PHF24: variants seen among roughly 807,000 people sequenced by gnomAD.
PHF24 encodes Galpha inhibitory interacting protein.
PHF24 carries 25 observed loss-of-function variants against 42.6 expected under a neutral mutation model. That is an observed-to-expected ratio of 0.59 (90% CI 0.43 to 0.82). The LOEUF (loss-of-function observed/expected upper bound fraction) is 0.82, where lower values mean the gene tolerates loss of function less well. PHF24 is among the 40% of genes least tolerant of loss of function. The probability of loss-of-function intolerance (pLI) is 0.00; values close to 1 mark genes in which losing one functional copy is unlikely to be tolerated. For missense variants in PHF24, 470 were observed against 538.1 expected, an observed-to-expected ratio of 0.87 and a Z score of 1.25; for synonymous variants, 185 against 204.8, an observed-to-expected ratio of 0.90 and a Z score of 0.83.
At chr9:34,800,612 C>T in the PHF24 span, among the ~76,000 whole-genome samples, 1 of 152,116 alleles carries the variant, frequency 6.6e-6, no homozygotes, top group Non-Finnish European at 1.5e-5. Flanking sequence ...ACTGGCTAGC[C>T]ATATGCAGAA....
At chr9:34,786,071 C>T in the PHF24 span, among the ~76,000 whole-genome samples, 45,816 of 151,980 alleles carry the variant, frequency 0.3, 7,373 homozygotes, top group East Asian at 0.56. Context: ...TAGCACAGGG[C>T]CTGTTATCCA....
the PHF24 span, among the ~76,000 whole-genome samples, chr9:34,730,821 C>A: frequency 2.0e-5 from 3 of 152,174 alleles, no homozygotes; most frequent in Admixed American, 2.0e-4. Flanking sequence ...AAAAACTTAC[C>A]AGCTCATGCT....
the PHF24 span, among the ~76,000 whole-genome samples, chr9:34,786,709 C>A: frequency 2.6e-5 from 4 of 152,130 alleles, no homozygotes; most frequent in Admixed American, 2.6e-4. Context: ...GGGCTTGACG[C>A]AAGCCTGAGG....
At chr9:34,840,900 T>C in the PHF24 span, among the ~76,000 whole-genome samples, 1 of 152,192 alleles carries the variant, frequency 6.6e-6, no homozygotes, top group Non-Finnish European at 1.5e-5. Context: ...TAGGAAAAAT[T>C]CCTTCTAGTG....
chr9:34,840,191 T>C, the PHF24 span, among the ~76,000 whole-genome samples: 14 of 152,274 alleles, frequency 9.2e-5, no homozygotes, highest in South Asian at 2.9e-3. Context: ...AGCATACATA[T>C]AAATGGTATA....
the PHF24 span, among the ~76,000 whole-genome samples, chr9:34,932,714 G>C: frequency 1.3e-5 from 2 of 151,396 alleles, no homozygotes; most frequent in African/African-American, 4.8e-5. Flanking sequence ...CAATTAATAA[G>C]TATATTCTTA....
At chr9:34,788,618 A>T in the PHF24 span, among the ~76,000 whole-genome samples, 1 of 152,194 alleles carries the variant, frequency 6.6e-6, no homozygotes, top group African/African-American at 2.4e-5. Flanking sequence ...AGAAGCCAAC[A>T]TCCAAGCACC....
At chr9:34,715,528 C>A in the PHF24 span, among the ~76,000 whole-genome samples, 1 of 152,098 alleles carries the variant, frequency 6.6e-6, no homozygotes, top group Admixed American at 6.6e-5. Flanking sequence ...CAGATGGCTG[C>A]ACATCCGAGA....
At chr9:34,839,628 A>G in the PHF24 span, among the ~76,000 whole-genome samples, 1 of 152,238 alleles carries the variant, frequency 6.6e-6, no homozygotes, top group African/African-American at 2.4e-5. Flanking sequence ...ACATTCATCC[A>G]GCATCCCATC....
chr9:34,868,543 T>C, the PHF24 span, among the ~76,000 whole-genome samples: 1 of 152,226 alleles, frequency 6.6e-6, no homozygotes, highest in South Asian at 2.1e-4. Context: ...GTCATTCTTT[T>C]GAGTCTTCCA....
the PHF24 span, among the ~76,000 whole-genome samples, chr9:34,715,862 C>T: frequency 2.0e-4 from 30 of 152,292 alleles, 1 homozygote; most frequent in South Asian, 6.0e-3. Flanking sequence ...TCTGGAAATC[C>T]CCTAATTGGA....
At chr9:34,931,375 C>CAA in the PHF24 span, among the ~76,000 whole-genome samples, 596 of 82,910 alleles carry the variant, frequency 7.2e-3, 15 homozygotes, top group African/African-American at 0.025. Flanking sequence ...GACTCTGTAT[C>CAA]AAAAAAAAAA....
the PHF24 span, among the ~76,000 whole-genome samples, chr9:34,679,583 C>T: frequency 1.2e-4 from 19 of 152,248 alleles, no homozygotes; most frequent in East Asian, 2.7e-3. Flanking sequence ...GGTGTGGTGG[C>T]GCGTGCCTGT....
chr9:34,976,427 C>A, intron 4 of PHF24, 108 bp from the exon 5 acceptor site: 1 of 1,227,876 alleles, frequency 8.1e-7, no homozygotes, highest in Non-Finnish European at 1.2e-6. Flanking sequence ...GAGGCAGAGA[C>A]TTAGCAAGAG....
the PHF24 span, among the ~76,000 whole-genome samples, chr9:34,818,362 T>C: frequency 6.6e-6 from 1 of 152,112 alleles, no homozygotes; most frequent in Non-Finnish European, 1.5e-5. Context: ...TCTATCCTGG[T>C]TTTCTGAGTG....
chr9:34,733,743 T>G, the PHF24 span, among the ~76,000 whole-genome samples: 1 of 152,220 alleles, frequency 6.6e-6, no homozygotes, highest in African/African-American at 2.4e-5. Context: ...TCTCATGCAA[T>G]CCTCCTGCCT....
the PHF24 span, among the ~76,000 whole-genome samples, chr9:34,944,702 G>A: frequency 6.6e-6 from 1 of 151,888 alleles, no homozygotes; most frequent in Non-Finnish European, 1.5e-5. Context: ...GACCTGCCTT[G>A]CCTGCTTATT....
chr9:34,819,870 T>C, the PHF24 span, among the ~76,000 whole-genome samples: 5 of 152,296 alleles, frequency 3.3e-5, no homozygotes, highest in African/African-American at 1.2e-4. Context: ...GTGTATTTAT[T>C]TTCCCAATTA....
chr9:34,954,665 T>C (rs556226487), upstream of PHF24, among the ~76,000 whole-genome samples: 1 of 152,354 alleles, frequency 6.6e-6, no homozygotes, highest in East Asian at 1.9e-4. Context: ...TCTTCATGTT[T>C]ATACTTTTAC....
Sources: gnomAD v4.1 joint callset for allele counts (sites outside exome capture counted in the v4.1 genomes callset) on GRCh38, gnomAD v4.1.1 for gene constraint, MANE v1.5 for transcripts, NCBI Gene and HGNC (gene_info 2026-07-23, HGNC 2026-07-21) for gene names.